USP24: variants seen among roughly 807,000 people sequenced by gnomAD.
USP24 encodes the protein ubiquitin specific peptidase 24.
In USP24, 97 loss-of-function variants were observed where a neutral mutation model predicts 361.6. The ratio of observed to expected loss-of-function variants is 0.27; its 90% CI spans 0.23 to 0.32. The LOEUF is 0.32. Among genes scored for constraint, USP24 ranks in the 10% least tolerant of loss-of-function variants. The pLI is 1.00. For synonymous variants in USP24, 1,098 were observed against 1,124.6 expected (o/e 0.98, Z 0.47); for missense variants, 2,353 against 3,165.6 (o/e 0.74, Z 6.16).
At chr1:55,077,198 T>C in intron 62 of USP24, 37 bp downstream of exon 62, 1 of 1,443,256 alleles carries the variant, frequency 6.9e-7, no homozygotes, top group African/African-American at 1.4e-5. Flanking sequence ...ACTAATACAT[T>C]CCTAAATAAA....
intron 1 of USP24, among the ~76,000 whole-genome samples, chr1:55,210,418 C>T (rs1366261366): frequency 2.0e-5 from 3 of 151,980 alleles, no homozygotes; most frequent in African/African-American, 7.3e-5. Flanking sequence ...ATTCATAAAC[C>T]ACAGGTCATG....
chr1:55,196,058 C>T (rs1644409373), intron 1 of USP24, among the ~76,000 whole-genome samples: 1 of 152,170 alleles, frequency 6.6e-6, no homozygotes, highest in African/African-American at 2.4e-5. Context: ...CTACCTTCTT[C>T]ACCACAGCCT....
intron 20 of USP24, among the ~76,000 whole-genome samples, chr1:55,145,279 G>T (rs935019335): frequency 6.6e-5 from 10 of 152,098 alleles, no homozygotes; most frequent in Non-Finnish European, 1.5e-4. Context: ...TTCAAGAATG[G>T]ATAAATAAAA....
chr1:55,190,181 A>AG (rs1243384962), intron 1 of USP24, among the ~76,000 whole-genome samples: 10 of 151,400 alleles, frequency 6.6e-5, no homozygotes, highest in Non-Finnish European at 1.3e-4. Context: ...AAAAAAAAAA[A>AG]AAAAGAAAGA....
intron 40 of USP24, 98 bp downstream of exon 40, chr1:55,107,140 GA>G (rs1477080126): frequency 5.5e-5 from 77 of 1,398,116 alleles, no homozygotes; most frequent in Non-Finnish European, 6.8e-5. Flanking sequence ...ATTTTCCATG[GA>G]ACACTTGGCA....
At chr1:55,140,937 T>G (rs1266399596) in intron 24 of USP24, among the ~76,000 whole-genome samples, 1 of 152,204 alleles carries the variant, frequency 6.6e-6, no homozygotes, top group Non-Finnish European at 1.5e-5. Flanking sequence ...ATCAGAGAAC[T>G]ACAGCAGACA....
chr1:55,096,687 T>C, intron 49 of USP24, 65 bp from the exon 50 acceptor site: 1 of 1,547,896 alleles, frequency 6.5e-7, no homozygotes, highest in Non-Finnish European at 8.7e-7. Context: ...TCCTTAGCAT[T>C]GATCTCAATG....
chr1:55,082,007 G>A (rs2100430853), intron 58 of USP24, among the ~76,000 whole-genome samples: 1 of 152,352 alleles, frequency 6.6e-6, no homozygotes, highest in East Asian at 1.9e-4. Context: ...AAGTGGAAAA[G>A]GGATATTGTA....
intron 46 of USP24, 36 bp from the exon 47 acceptor site, chr1:55,098,120 A>G: frequency 6.5e-7 from 1 of 1,547,492 alleles, no homozygotes; most frequent in Non-Finnish European, 8.7e-7. Context: ...ACAATCAACA[A>G]TGGAATTTAA....
At chr1:55,185,108 A>G (rs1040190278) in intron 1 of USP24, among the ~76,000 whole-genome samples, 2 of 151,730 alleles carry the variant, frequency 1.3e-5, no homozygotes, top group African/African-American at 4.8e-5. Flanking sequence ...ACTGCTGCAT[A>G]CCACCATGCC....
chr1:55,118,764 A>G (rs1570453047), intron 38 of USP24, among the ~76,000 whole-genome samples: 1 of 152,238 alleles, frequency 6.6e-6, no homozygotes, highest in Admixed American at 6.5e-5. Context: ...ATGTTTCTCC[A>G]AAGAAGATAT....
intron 32 of USP24, among the ~76,000 whole-genome samples, chr1:55,126,322 CCTT>C (rs1375377925): frequency 6.6e-6 from 1 of 152,244 alleles, no homozygotes; most frequent in Non-Finnish European, 1.5e-5. Flanking sequence ...TCCCTTATCT[CCTT>C]CAGGTCTTTG....
intron 38 of USP24, among the ~76,000 whole-genome samples, chr1:55,111,849 T>A (rs1645964336): frequency 6.6e-6 from 1 of 152,132 alleles, no homozygotes; most frequent in South Asian, 2.1e-4. Flanking sequence ...AGGTTAAATG[T>A]TTCAAAATAA....
chr1:55,185,173 G>A (rs574331381), intron 1 of USP24, among the ~76,000 whole-genome samples: 54 of 151,892 alleles, frequency 3.6e-4, no homozygotes, highest in Admixed American at 8.5e-4. Flanking sequence ...GGCTGATCTC[G>A]AACTCCTAGG....
rs34911935 is a variant in USP24, at chr1:55,074,107, T to TAA, written c.7448-203_7448-202dup. On this transcript the variant is annotated intron_variant, in intron 63 of 67. Transcript: ENST00000294383. ...GTGGAAACACTACTTTAAGTATGTT[T>TAA]AAAAAAAAAAAAAAAAAAAAACCAC... Among the ~76,000 whole-genome samples the TAA allele has an allele frequency of 4.0e-3, 488 of 123,444 alleles. 4 individuals are homozygous for TAA. Among genetic ancestry groups the TAA allele is most frequent in the African/African-American group, 0.011 (372 of 33,346 alleles). 81.0% of individuals were successfully genotyped at this position (123,444 alleles called of 152,430 possible). A position where few individuals can be genotyped will look rare whatever the true frequency, so the allele number is the denominator to read the frequency against.
chr1:55,068,972 G>C lies in USP24; in HGVS notation c.*73C>G. The stretch of plus-strand genomic sequence containing the variant: ...ATCTCCAGGCTCTTCCAAAGGGTTC[G>C]AGATTCTGATTCCAAGAAGGTGCTG... On this transcript the variant is annotated 3_prime_UTR_variant, in exon 68 of 68. Transcript: ENST00000294383. 6.5e-7 allele frequency: 1 copy of C among 1,530,792 alleles called. No individual in the cohort carries two copies. Among genetic ancestry groups the C allele is most frequent in the South Asian group, 1.1e-5 (1 of 88,904 alleles). The allele number at this position is 1,530,792 out of a possible 1,614,324, so 94.8% of individuals were successfully genotyped here.
intron 1 of USP24, among the ~76,000 whole-genome samples, chr1:55,206,657 T>A (rs367698058): frequency 4.1e-3 from 528 of 130,142 alleles, no homozygotes; most frequent in Non-Finnish European, 5.4e-3. Flanking sequence ...AGAAAAACAG[T>A]AAAAAAAAAA....
At chr1:55,145,017 T>A (rs1241578938) in intron 20 of USP24, among the ~76,000 whole-genome samples, 1 of 152,184 alleles carries the variant, frequency 6.6e-6, no homozygotes, top group East Asian at 1.9e-4. Flanking sequence ...AAAAGGCAGA[T>A]AATAACAAGT....
At chr1:55,073,138 G>A in intron 64 of USP24, 1 of 444,020 alleles carries the variant, frequency 2.3e-6, no homozygotes, top group Non-Finnish European at 4.0e-6. Context: ...GGATGGTGGT[G>A]ATGGTTGCAC....
Sources: gnomAD v4.1 joint callset for allele counts (sites outside exome capture counted in the v4.1 genomes callset) on GRCh38, gnomAD v4.1.1 for gene constraint, MANE v1.5 for transcripts, NCBI Gene and HGNC (gene_info 2026-07-23, HGNC 2026-07-21) for gene names.